SLC25A12: variants seen among roughly 807,000 people sequenced by gnomAD.
SLC25A12 encodes solute carrier family 25 member 12.
Under a neutral mutation model 83.3 loss-of-function variants are expected in SLC25A12, and 32 were observed. That is an observed-to-expected ratio of 0.38 (90% confidence interval 0.29 to 0.52). The LOEUF is 0.52. Ranked by LOEUF, SLC25A12 falls within the 20% of genes least tolerant of loss-of-function variation. The pLI, the probability that SLC25A12 is intolerant of heterozygous loss-of-function variation, is 0.84. For synonymous variants in SLC25A12, 267 were observed against 291.1 expected (o/e 0.92, Z 0.84); for missense variants, 611 against 835.6 (o/e 0.73, Z 3.31).
Position 171,837,172 on chromosome 2 carries a change from A to G in SLC25A12, c.561T>C (p.Val187=), listed in dbSNP as rs1370942087. 1.2e-6 allele frequency: 2 copies of G among 1,613,938 alleles called. No homozygotes were observed. The highest frequency in any genetic ancestry group is 1.7e-6 in the Non-Finnish European group (2 of 1,179,934). ...ISGLDFSDIM[V]TIRSHMLTPF... Reference sequence around the variant, plus strand: ...GAGTAAGCATGTGAGATCTAATGGTAACCATGATGTCACTGAAATCCAGAC... The same window carrying G: ...GAGTAAGCATGTGAGATCTAATGGTGACCATGATGTCACTGAAATCCAGAC... Residue 187 remains valine, a synonymous_variant, in exon 6 of 18, where the codon GTT becomes GTC. Coordinates refer to ENST00000422440, the MANE Select transcript of SLC25A12 (RefSeq NM_003705.5).
chr2:171,845,133 A>C (rs928055814), intron 4 of SLC25A12, among the ~76,000 whole-genome samples: 1 of 152,168 alleles, frequency 6.6e-6, no homozygotes, highest in African/African-American at 2.4e-5. Flanking sequence ...TGAACTATTA[A>C]AATATTTTAA....
At chr2:171,867,503 T>C (rs1039777758) in intron 3 of SLC25A12, among the ~76,000 whole-genome samples, 1 of 150,610 alleles carries the variant, frequency 6.6e-6, no homozygotes, top group Non-Finnish European at 1.5e-5. Flanking sequence ...TGTGGCGGCG[T>C]GCGCCTGCAA....
chr2:171,803,322 A>G (rs1683751842), intron 13 of SLC25A12, among the ~76,000 whole-genome samples: 1 of 152,136 alleles, frequency 6.6e-6, no homozygotes, highest in Admixed American at 6.5e-5. Context: ...ACAAACAACA[A>G]AAGAAAAAAT....
At chr2:171,822,921 T>C (rs1453359558) in intron 9 of SLC25A12, among the ~76,000 whole-genome samples, 3 of 152,186 alleles carry the variant, frequency 2.0e-5, no homozygotes, top group Non-Finnish European at 4.4e-5. Flanking sequence ...CTCTGCATAA[T>C]AAATGTAAGT....
At chr2:171,886,600 C>T (rs1343958071) in intron 2 of SLC25A12, among the ~76,000 whole-genome samples, 1 of 151,952 alleles carries the variant, frequency 6.6e-6, no homozygotes, top group African/African-American at 2.4e-5. Context: ...ACCTCAGCCT[C>T]CCAGGTTCAC....
At chr2:171,856,045 C>T (rs1301903501) in intron 3 of SLC25A12, 96 bp from the exon 4 acceptor site, 1 of 770,434 alleles carries the variant, frequency 1.3e-6, no homozygotes. Flanking sequence ...CTCAGGGTAA[C>T]CAAATAATTG....
At chr2:171,865,692 A>T (rs1327108747) in intron 3 of SLC25A12, among the ~76,000 whole-genome samples, 1 of 151,450 alleles carries the variant, frequency 6.6e-6, no homozygotes, top group African/African-American at 2.4e-5. Flanking sequence ...CATATATATA[A>T]AATATTTTTT....
intron 13 of SLC25A12, among the ~76,000 whole-genome samples, chr2:171,805,009 C>G (rs532188027): frequency 2.4e-4 from 37 of 152,208 alleles, no homozygotes; most frequent in Admixed American, 1.0e-3. Flanking sequence ...GGTTTCACAA[C>G]AAAACACTGA....
At chr2:171,884,198 T>A (rs1046392136) in intron 2 of SLC25A12, among the ~76,000 whole-genome samples, 15 of 149,528 alleles carry the variant, frequency 1.0e-4, no homozygotes, top group Non-Finnish European at 2.2e-4. Context: ...GGCTTTTTTT[T>A]TTTTCCCCCC....
chr2:171,814,145 A>G (rs1482168259), intron 10 of SLC25A12, among the ~76,000 whole-genome samples: 1 of 152,150 alleles, frequency 6.6e-6, no homozygotes, highest in East Asian at 1.9e-4. Flanking sequence ...TGCAACTTCT[A>G]AAACTGAGAG....
At chr2:171,849,218 T>A (rs1420009429) in intron 4 of SLC25A12, among the ~76,000 whole-genome samples, 1 of 151,940 alleles carries the variant, frequency 6.6e-6, no homozygotes, top group Non-Finnish European at 1.5e-5. Flanking sequence ...CATACATACA[T>A]ACATACATAC....
At chr2:171,810,114 C>G in intron 12 of SLC25A12, 110 bp downstream of exon 12, 5 of 919,712 alleles carry the variant, frequency 5.4e-6, no homozygotes, top group Non-Finnish European at 9.1e-6. Flanking sequence ...TCCCACCACC[C>G]AAAATGCTGA....
At chr2:171,842,729 T>C (rs557344529) in intron 5 of SLC25A12, among the ~76,000 whole-genome samples, 403 of 152,354 alleles carry the variant, frequency 2.6e-3, no homozygotes, top group Non-Finnish European at 4.7e-3. Context: ...GACTGCTTAA[T>C]GGAACACGGT....
intron 4 of SLC25A12, among the ~76,000 whole-genome samples, chr2:171,854,188 A>G (rs1386293077): frequency 6.6e-6 from 1 of 152,228 alleles, no homozygotes; most frequent in Non-Finnish European, 1.5e-5. Context: ...GTTTCTGAGG[A>G]AAGTCAACAT....
chr2:171,875,441 GT>G (rs1685543999), intron 2 of SLC25A12, among the ~76,000 whole-genome samples: 1 of 152,066 alleles, frequency 6.6e-6, no homozygotes, highest in African/African-American at 2.4e-5. Context: ...CCCTCTACCT[GT>G]TACAGGTACA....
chr2:171,833,997 G>A lies in SLC25A12; in HGVS notation c.811C>T (p.Leu271=), dbSNP rs1210017555. The change falls in exon 8 of 18, where the codon CTA becomes TTA. Residue 271 remains leucine, a synonymous_variant. Coordinates refer to ENST00000422440, the MANE Select transcript of SLC25A12 (RefSeq NM_003705.5). The stretch of plus-strand genomic sequence containing the variant: ...TTATATAAGTCTGCAAGCTGATATA[G>A]AATATCAATTTCTAGTGGTGTGACT... ...GQVTPLEIDI[L]YQLADLYNAS... The A allele has an allele frequency of 1.9e-6, 3 of 1,603,602 alleles. No individual in the cohort carries two copies. The highest frequency in any genetic ancestry group is 2.6e-6 in the Non-Finnish European group (3 of 1,170,760).
chr2:171,857,152 G>C (rs929583554), intron 3 of SLC25A12, among the ~76,000 whole-genome samples: 1 of 152,058 alleles, frequency 6.6e-6, no homozygotes, highest in Non-Finnish European at 1.5e-5. Flanking sequence ...GATTGCTTGA[G>C]TCCAGGAGTT....
chr2:171,879,074 A>T (rs1347070895), intron 2 of SLC25A12, among the ~76,000 whole-genome samples: 1 of 152,244 alleles, frequency 6.6e-6, no homozygotes, highest in Non-Finnish European at 1.5e-5. Flanking sequence ...ATAAGAAAAA[A>T]ATTATTTTAA....
intron 4 of SLC25A12, among the ~76,000 whole-genome samples, chr2:171,855,069 A>T (rs1685017382): frequency 6.6e-6 from 1 of 152,222 alleles, no homozygotes; most frequent in African/African-American, 2.4e-5. Flanking sequence ...AAACAGTGGC[A>T]ATCTTTAAAA....
Sources: gnomAD v4.1 joint callset for allele counts (sites outside exome capture counted in the v4.1 genomes callset) on GRCh38, gnomAD v4.1.1 for gene constraint, MANE v1.5 for transcripts, NCBI Gene and HGNC (gene_info 2026-07-23, HGNC 2026-07-21) for gene names.